Variants in FAT3 observed in about 807,000 individuals in gnomAD.
FAT3 encodes protocadherin Fat 3.
A neutral mutation model predicts 310.2 loss-of-function variants in FAT3; 95 were observed. The ratio of observed to expected loss-of-function variants is 0.31; its 90% CI spans 0.26 to 0.36. The LOEUF is 0.36. Among genes scored for constraint, FAT3 ranks in the 10% least tolerant of loss-of-function variants. The pLI is 1.00. For synonymous variants in FAT3, 2,314 were observed against 2,192.9 expected (o/e 1.06, Z -1.54); for missense variants, 5,408 against 5,715.6 (o/e 0.95, Z 1.74).
At chr11:92,866,369 T>A (rs3843606) in intron 21 of FAT3, among the ~76,000 whole-genome samples, 115,903 of 152,050 alleles carry the variant, frequency 0.76, 44,567 homozygotes, top group South Asian at 0.89. Context: ...GTTCCCGGAA[T>A]TCATTCCTGT....
chr11:92,288,808 G>T (rs1017669453), intron 1 of FAT3, among the ~76,000 whole-genome samples: 3 of 152,122 alleles, frequency 2.0e-5, no homozygotes, highest in Non-Finnish European at 2.9e-5. Flanking sequence ...TTGCTAAAAA[G>T]GAGTATCATA....
chr11:92,732,265 A>G (rs568306000), intron 4 of FAT3, among the ~76,000 whole-genome samples: 42 of 152,336 alleles, frequency 2.8e-4, no homozygotes, highest in African/African-American at 1.0e-3. Flanking sequence ...GAATCTATTT[A>G]TAGAAAGATC....
chr11:92,806,707 G>A (rs1231668740), intron 12 of FAT3, among the ~76,000 whole-genome samples, 192 bp downstream of exon 12: 1 of 152,106 alleles, frequency 6.6e-6, no homozygotes, highest in Non-Finnish European at 1.5e-5. Flanking sequence ...CAGGAGAAAA[G>A]GCATATGGAT....
intron 3 of FAT3, among the ~76,000 whole-genome samples, chr11:92,673,806 T>C (rs1054461060): frequency 1.3e-5 from 2 of 152,068 alleles, no homozygotes; most frequent in Non-Finnish European, 2.9e-5. Flanking sequence ...TGAACATTGG[T>C]AGGAAACCAG....
rs557437108 is a variant in FAT3 at position 92,890,998 on chromosome 11, A to G, written c.13655A>G (p.Asn4552Ser). ...ACCTCATCCTCGGATGTGTCTGCCA[A>G]CTGCGGCTTTGACGATTCCGAAGTA... Reference protein sequence around the residue: ...RGTSSSDVSANCGFDDSEVAM... With the variant: ...RGTSSSDVSASCGFDDSEVAM... Residue 4552 changes from asparagine (N) to serine (S), a missense_variant, in exon 28 of 28, where the codon AAC (asparagine) becomes AGC (serine). By Grantham distance (46) the Asn-to-Ser change is conservative. Around this residue, in one of 5 missense-constraint regions of FAT3, gnomAD observed 649 missense variants for 666.2 expected, o/e 0.97. Coordinates refer to ENST00000525166, the MANE Select transcript of FAT3 (RefSeq NM_001367949.2). 1.9e-6 allele frequency: 3 copies of G among 1,613,968 alleles called. No homozygotes were observed. The highest frequency in any genetic ancestry group is 2.7e-5 in the African/African-American group (2 of 75,062).
chr11:92,764,859 T>C lies in FAT3; in HGVS notation c.3985-20T>C. ...ATCAGAGGTCTGAGACATCTTTCTCTTCTCTCCCTGTGTGAGTAGATAAAG... is the reference window on the plus strand; with the variant it reads ...ATCAGAGGTCTGAGACATCTTTCTCCTCTCTCCCTGTGTGAGTAGATAAAG... On this transcript the variant is annotated intron_variant, in intron 5 of 27. Coordinates refer to ENST00000525166, the MANE Select transcript of FAT3 (RefSeq NM_001367949.2). 2 of 1,609,476 alleles carry C rather than the reference T, an allele frequency of 1.2e-6. No individual in the cohort carries two copies. The highest frequency in any genetic ancestry group is 1.7e-6 in the Non-Finnish European group (2 of 1,177,408).
intron 4 of FAT3, among the ~76,000 whole-genome samples, chr11:92,719,683 C>A: frequency 6.7e-6 from 1 of 149,798 alleles, no homozygotes; most frequent in East Asian, 2.0e-4. Flanking sequence ...TTGGTTGAAT[C>A]CAGGACACAG....
intron 1 of FAT3, among the ~76,000 whole-genome samples, chr11:92,347,711 G>A (rs1342684494): frequency 6.6e-6 from 1 of 152,136 alleles, no homozygotes; most frequent in East Asian, 1.9e-4. Flanking sequence ...GGATGGGGAG[G>A]CACACCAGGA....
intron 7 of FAT3, among the ~76,000 whole-genome samples, chr11:92,782,316 G>A (rs186231690): frequency 5.3e-4 from 81 of 152,148 alleles, no homozygotes; most frequent in African/African-American, 1.8e-3. Context: ...AAATTAAAAG[G>A]CTGGGTACAG....
intron 2 of FAT3, among the ~76,000 whole-genome samples, chr11:92,370,816 T>C (rs987540227): frequency 6.6e-6 from 1 of 152,192 alleles, no homozygotes; most frequent in Non-Finnish European, 1.5e-5. Flanking sequence ...TAACTCAAAA[T>C]TCTGTATTCT....
chr11:92,672,077 C>T (rs1027215207), intron 3 of FAT3, among the ~76,000 whole-genome samples: 2 of 152,150 alleles, frequency 1.3e-5, no homozygotes, highest in Non-Finnish European at 2.9e-5. Context: ...CAAGATCATG[C>T]CACTGCACTA....
intron 13 of FAT3, among the ~76,000 whole-genome samples, chr11:92,818,049 A>G (rs1947867648): frequency 1.3e-5 from 2 of 152,086 alleles, no homozygotes; most frequent in African/African-American, 4.8e-5. Context: ...GCTCAAACCA[A>G]TCTGTAAGAA....
intron 3 of FAT3, among the ~76,000 whole-genome samples, chr11:92,632,423 C>T (rs1223014600): frequency 6.6e-6 from 1 of 152,196 alleles, no homozygotes; most frequent in South Asian, 2.1e-4. Flanking sequence ...GAGAGGCAGA[C>T]GGGTTACTGG....
intron 2 of FAT3, among the ~76,000 whole-genome samples, chr11:92,444,487 C>T (rs949470668): frequency 7.9e-5 from 12 of 151,914 alleles, no homozygotes; most frequent in Non-Finnish European, 1.0e-4. Context: ...CAGTGTCCTG[C>T]GCAGAGTGAG....
intron 6 of FAT3, among the ~76,000 whole-genome samples, chr11:92,765,687 A>T (rs1378675384): frequency 6.6e-6 from 1 of 152,008 alleles, no homozygotes; most frequent in East Asian, 1.9e-4. Context: ...TGACAGGCTG[A>T]AGTGCAGCCC....
At chr11:92,431,263 G>A (rs1014586893) in intron 2 of FAT3, among the ~76,000 whole-genome samples, 1 of 152,202 alleles carries the variant, frequency 6.6e-6, no homozygotes, top group African/African-American at 2.4e-5. Flanking sequence ...GACGGCCAGT[G>A]ATGATGAGCA....
chr11:92,225,631 C>T (rs1050629921), intron 1 of FAT3, among the ~76,000 whole-genome samples: 2 of 152,000 alleles, frequency 1.3e-5, no homozygotes, highest in African/African-American at 4.8e-5. Context: ...CTTAGGGGAC[C>T]CCGAGGTGCA....
intron 3 of FAT3, among the ~76,000 whole-genome samples, chr11:92,553,318 AATGTTTGC>A (rs1954886404): frequency 6.6e-6 from 1 of 152,146 alleles, no homozygotes; most frequent in Admixed American, 6.6e-5. Context: ...AGGTATCACA[AATGTTTGC>A]AGAGTTCCTG....
chr11:92,255,340 T>TAAAAA (rs200782534), intron 1 of FAT3, among the ~76,000 whole-genome samples: 1 of 148,884 alleles, frequency 6.7e-6, no homozygotes, highest in Non-Finnish European at 1.5e-5. Flanking sequence ...GGGTTTTTTT[T>TAAAAA]TAAAAAAAAA....
Sources: gnomAD v4.1 joint callset for allele counts (sites outside exome capture counted in the v4.1 genomes callset) on GRCh38, gnomAD v4.1.1 for gene constraint, gnomAD v4.1.1 regional missense constraint, MANE v1.5 for transcripts, NCBI Gene and HGNC (gene_info 2026-07-23, HGNC 2026-07-21) for gene names.